Variants in KIF21B observed in about 807,000 individuals in gnomAD.
KIF21B encodes kinesin-like protein KIF21B.
In KIF21B, 85 loss-of-function variants were observed where a neutral mutation model predicts 192.9. The observed-to-expected ratio is 0.44, with a 90% CI of 0.37 to 0.53. KIF21B has a LOEUF of 0.53. Among genes scored for constraint, KIF21B ranks in the 20% least tolerant of loss-of-function variants. The pLI is 0.00. For missense variants in KIF21B, 1,716 were observed against 2,194.8 expected, an observed-to-expected ratio of 0.78 and a Z score of 4.36; for synonymous variants, 832 against 884.6, an observed-to-expected ratio of 0.94 and a Z score of 1.05.
In KIF21B at chr1:200,987,025, G is replaced by A. The variant is rs764790073; in HGVS notation, c.3585C>T (p.Thr1195=). The part of the protein sequence containing the change: ...DPYYRDRVSR[T]VSLPTRGSTF... ...TGCTGCCCCGGGTAGGCAGACTGAC[G>A]GTGCGCGAGACCCTGTCCCGGTAAT... is the stretch of plus-strand genomic sequence containing the variant. Residue 1195 remains threonine, a synonymous_variant, in exon 25 of 35, where the codon ACC becomes ACT. Coordinates refer to ENST00000461742, the MANE Select transcript of KIF21B (RefSeq NM_001252102.2). 6 of 1,613,950 alleles carry A rather than the reference G, an allele frequency of 3.7e-6. No homozygotes were observed. The Admixed American group carries it at 5.0e-5, about 13-fold the overall frequency.
At chr1:200,979,917 A>G (rs1433004641) in intron 29 of KIF21B, among the ~76,000 whole-genome samples, 1 of 152,212 alleles carries the variant, frequency 6.6e-6, no homozygotes, top group African/African-American at 2.4e-5. Context: ...CTCAGGGAAG[A>G]GAGAATTCCC....
At chr1:200,997,442 T>C (rs1657141026) in intron 14 of KIF21B, among the ~76,000 whole-genome samples, 1 of 152,120 alleles carries the variant, frequency 6.6e-6, no homozygotes, top group African/African-American at 2.4e-5. Context: ...TTCACGACCA[T>C]CCTTTAAAAA....
Position 200,979,555 on chromosome 1 carries a change from G to C in KIF21B, c.4140C>G (p.Ala1380=), listed in dbSNP as rs751273459. 2.6e-6 allele frequency: 4 copies of C among 1,563,890 alleles called. No individual in the cohort carries two copies. The Admixed American group carries it at 7.7e-5, about 30-fold the overall frequency. The change falls in exon 30 of 35, where the codon GCC becomes GCG. Residue 1380 remains alanine (A), a synonymous_variant. Coordinates refer to ENST00000461742, the MANE Select transcript of KIF21B (RefSeq NM_001252102.2). ...CTCACGTGAGAGTCCGAATGCACTTGGCTGAGTCCCGGATGTCCCACACCT... is the reference window on the plus strand; with the variant it reads ...CTCACGTGAGAGTCCGAATGCACTTCGCTGAGTCCCGGATGTCCCACACCT... ...YIKVWDIRDS[A]KCIRTLTSSG...
intron 1 of KIF21B, among the ~76,000 whole-genome samples, chr1:201,014,817 G>T (rs1658415459): frequency 6.6e-6 from 1 of 152,180 alleles, no homozygotes; most frequent in Non-Finnish European, 1.5e-5. Flanking sequence ...CCACTTGAAG[G>T]GTCTGTCTTC....
intron 21 of KIF21B, 71 bp from the exon 22 acceptor site, chr1:200,989,002 CA>C: frequency 6.8e-7 from 1 of 1,467,488 alleles, no homozygotes; most frequent in Non-Finnish European, 9.2e-7. Flanking sequence ...ACACAACCTG[CA>C]CCCCTCAAGA....
intron 16 of KIF21B, 131 bp from the exon 17 acceptor site, chr1:200,991,856 T>C (rs534929802): frequency 9.2e-5 from 86 of 937,524 alleles, no homozygotes; most frequent in Non-Finnish European, 1.2e-4. Flanking sequence ...AAACTCTTGA[T>C]AAAGTGGGAC....
chr1:201,000,355 AG>A lies in KIF21B; in HGVS notation c.1685+34del. The stretch of plus-strand genomic sequence containing the variant: ...GGGCAGGGTCCACTGGGGCGGTCTG[AG>A]GGCTCTCAGGGGCGGGGACGACACT... On this transcript the variant is annotated intron_variant, in intron 11 of 34. Coordinates refer to ENST00000461742, the MANE Select transcript of KIF21B (RefSeq NM_001252102.2). This position sits in a 1 kb window ranked among gnomAD's most constrained non-coding sequence, Gnocchi z 6.0. 1 of 1,524,902 alleles carries A rather than the reference AG, an allele frequency of 6.6e-7. No homozygotes were observed. Among genetic ancestry groups the A allele is most frequent in the South Asian group, 1.3e-5 (1 of 78,736 alleles). The allele number at this position is 1,524,902 out of a possible 1,614,324, so 94.5% of individuals were successfully genotyped here. A position where few individuals can be genotyped will look rare whatever the true frequency, so the allele number is the denominator to read the frequency against.
chr1:200,974,185 C>T (rs373148392), intron 34 of KIF21B: 69 of 1,554,468 alleles, frequency 4.4e-5, no homozygotes, highest in Non-Finnish European at 5.7e-5. Context: ...ACAACTTTAC[C>T]CGGCAGTCAC....
At chr1:201,001,682 T>C (rs16847530) in intron 9 of KIF21B, 4,678 of 156,940 alleles carry the variant, frequency 0.03, 211 homozygotes, top group African/African-American at 0.1. Flanking sequence ...GTAGGTTTAA[T>C]ATGGAAAGAT....
Position 200,977,249 on chromosome 1 carries a change from C to T in KIF21B, c.4288G>A (p.Ala1430Thr), listed in dbSNP as rs1442856195. Residue 1430 changes from alanine to threonine, a missense_variant, in exon 31 of 35, where the codon GCC (alanine) becomes ACC (threonine). By Grantham distance (58) the Ala-to-Thr change is moderately conservative. Around this residue, in one of 3 missense-constraint regions of KIF21B, gnomAD observed 580 missense variants for 775.5 expected, o/e 0.75. Transcript: ENST00000461742. ...LSPSGTMLYA[A>T]SGNAVRIWEL... is the part of the protein sequence containing the mutation. Reference sequence around the variant, plus strand: ...CAGATGCGGACGGCATTGCCCGAGGCGGCGTACAGCATGGTGCCCGAAGGG... The same window carrying T: ...CAGATGCGGACGGCATTGCCCGAGGTGGCGTACAGCATGGTGCCCGAAGGG... The T allele has an allele frequency of 1.9e-6, 3 of 1,613,686 alleles. No individual in the cohort carries two copies. The highest frequency in any genetic ancestry group is 2.5e-6 in the Non-Finnish European group (3 of 1,179,754).
intron 21 of KIF21B, 22 bp downstream of exon 21, chr1:200,989,920 C>A (rs1476044255): frequency 6.3e-7 from 1 of 1,588,916 alleles, no homozygotes. Context: ...GAGCCCCCTG[C>A]CCATGTACGC....
intron 15 of KIF21B, among the ~76,000 whole-genome samples, chr1:200,993,945 C>G (rs775347807): frequency 7.2e-6 from 1 of 138,170 alleles, no homozygotes; most frequent in African/African-American, 2.7e-5. Flanking sequence ...AATGAGTGTT[C>G]TCCCAAAGGA....
chr1:200,996,516 G>T, intron 14 of KIF21B, 121 bp from the exon 15 acceptor site: 1 of 817,342 alleles, frequency 1.2e-6, no homozygotes, highest in African/African-American at 1.7e-5. Flanking sequence ...CCTTGGGCAA[G>T]TCACACCCCT....
chr1:201,021,638 G>T (rs1658832108), intron 1 of KIF21B, among the ~76,000 whole-genome samples: 1 of 152,206 alleles, frequency 6.6e-6, no homozygotes, highest in Admixed American at 6.5e-5. Flanking sequence ...GGCTCCCCGG[G>T]TGGGAGTCCC....
chr1:201,007,577 GAC>G (rs1405258346), intron 3 of KIF21B, among the ~76,000 whole-genome samples: 2 of 129,250 alleles, frequency 1.5e-5, no homozygotes, highest in African/African-American at 3.0e-5. Context: ...CACACACACA[GAC>G]ACACACATAG....
At chr1:200,993,715 A>T (rs1656858288) in intron 15 of KIF21B, among the ~76,000 whole-genome samples, 1 of 151,168 alleles carries the variant, frequency 6.6e-6, no homozygotes, top group African/African-American at 2.4e-5. Context: ...GCGCCACTGC[A>T]CTCCAGCCAG....
At chr1:200,986,634 A>G (rs1656321968) in intron 26 of KIF21B, among the ~76,000 whole-genome samples, 1 of 152,204 alleles carries the variant, frequency 6.6e-6, no homozygotes, top group Non-Finnish European at 1.5e-5. Context: ...CTGGGATTAC[A>G]GGTGTGAGCC....
Position 201,007,483 on chromosome 1 carries a change from GACAC to G in KIF21B, c.447+1282_447+1285del, listed in dbSNP as rs1009612009. Among the ~76,000 whole-genome samples the G allele has an allele frequency of 3.6e-5, 4 of 111,450 alleles. No individual in the cohort carries two copies. In the East Asian group the frequency reaches 8.3e-4, roughly 23 times the overall value. 73.1% of individuals were successfully genotyped at this position (111,450 alleles called of 152,430 possible). ...ACACACACAGACACAGAGACACATA[GACAC>G]ACACACAGAGACAGACACAGACATA... is the stretch of plus-strand genomic sequence containing the variant. On this transcript the variant is annotated intron_variant, in intron 3 of 34. Transcript: ENST00000461742.
chr1:201,000,066 G>T lies in KIF21B; in HGVS notation c.1686-102C>A. On this transcript the variant is annotated intron_variant, in intron 11 of 34. Coordinates refer to ENST00000461742, the MANE Select transcript of KIF21B (RefSeq NM_001252102.2). The surrounding 1 kb of genome is among the most constrained non-coding windows in gnomAD (Gnocchi z 6.0). ...GCAGAAAAGGAAGGCTCTCACCAGA[G>T]GCCGGGGAGAGCACTGGCTCCTACT... 1 of 1,057,504 alleles carries T rather than the reference G, an allele frequency of 9.5e-7. No individual in the cohort carries two copies. Among genetic ancestry groups the T allele is most frequent in the South Asian group, 1.3e-5 (1 of 78,214 alleles). The allele number at this position is 1,057,504 out of a possible 1,614,324, so 65.5% of individuals were successfully genotyped here. A position where few individuals can be genotyped will look rare whatever the true frequency, so the allele number is the denominator to read the frequency against.
Sources: gnomAD v4.1 joint callset for allele counts (sites outside exome capture counted in the v4.1 genomes callset) on GRCh38, gnomAD v4.1.1 for gene constraint, gnomAD v4.1.1 regional missense constraint, Gnocchi (gnomAD v3.1) non-coding constraint, MANE v1.5 for transcripts, NCBI Gene and HGNC (gene_info 2026-07-23, HGNC 2026-07-21) for gene names.